DNAJC3: variants seen among roughly 807,000 people sequenced by gnomAD.
DNAJC3 encodes the protein dnaJ homolog subfamily C member 3.
In DNAJC3, 38 loss-of-function variants were observed where a neutral mutation model predicts 68.6. That is an observed-to-expected ratio of 0.55 (90% CI 0.43 to 0.73). The LOEUF is 0.73. DNAJC3 is among the 30% of genes least tolerant of loss of function. The pLI is 0.00. For synonymous variants in DNAJC3, 203 were observed against 204.0 expected (o/e 1.00, Z 0.04); for missense variants, 526 against 591.9 (o/e 0.89, Z 1.16).
intron 2 of DNAJC3, among the ~76,000 whole-genome samples, chr13:95,716,531 T>A (rs191043344): frequency 1.3e-5 from 2 of 152,310 alleles, no homozygotes; most frequent in Admixed American, 1.3e-4. Context: ...ACTGGAAGAA[T>A]CAGATCATAT....
intron 3 of DNAJC3, 93 bp downstream of exon 3, chr13:95,723,459 T>C: frequency 7.2e-7 from 1 of 1,387,412 alleles, no homozygotes; most frequent in Non-Finnish European, 9.7e-7. Flanking sequence ...ATGCTAGACA[T>C]AGCTGGAAGA....
At chr13:95,776,414 G>A (rs1883293485) in intron 9 of DNAJC3, among the ~76,000 whole-genome samples, 1 of 152,172 alleles carries the variant, frequency 6.6e-6, no homozygotes, top group Non-Finnish European at 1.5e-5. Flanking sequence ...TGGAAAGACT[G>A]CTGCTTTACT....
At chr13:95,779,370 CACT>C (rs1566514166) in intron 9 of DNAJC3, among the ~76,000 whole-genome samples, 2 of 152,152 alleles carry the variant, frequency 1.3e-5, no homozygotes, top group East Asian at 1.9e-4. Flanking sequence ...GTGATCTGCC[CACT>C]GCGGCCTCCC....
chr13:95,722,838 C>A (rs1017953586), intron 2 of DNAJC3, among the ~76,000 whole-genome samples: 1 of 32,874 alleles, frequency 3.0e-5, no homozygotes, highest in Non-Finnish European at 7.5e-5. Context: ...CCCCCCCCCC[C>A]CGCCGAAAAA....
intron 9 of DNAJC3, among the ~76,000 whole-genome samples, chr13:95,778,617 A>G (rs1282769387): frequency 6.6e-6 from 1 of 152,238 alleles, no homozygotes; most frequent in Non-Finnish European, 1.5e-5. Flanking sequence ...ATCTACTTAC[A>G]TGGAATATCT....
At chr13:95,690,661 G>A (rs1452529341) in intron 1 of DNAJC3, among the ~76,000 whole-genome samples, 2 of 144,822 alleles carry the variant, frequency 1.4e-5, no homozygotes, top group African/African-American at 2.6e-5. Context: ...GCCGGGCGGG[G>A]GGCTGACCCC....
chr13:95,756,829 A>G (rs1490246594), intron 4 of DNAJC3, among the ~76,000 whole-genome samples: 2 of 152,094 alleles, frequency 1.3e-5, no homozygotes, highest in Admixed American at 1.3e-4. Context: ...TTTTGTCTGG[A>G]GGAAGAAATT....
chr13:95,698,067 C>T (rs1041648998), intron 1 of DNAJC3, among the ~76,000 whole-genome samples: 2 of 151,100 alleles, frequency 1.3e-5, no homozygotes, highest in Non-Finnish European at 1.5e-5. Flanking sequence ...GAAACTGACA[C>T]TTGTTGTTGT....
At position 95,793,680 on chromosome 13, in the gene DNAJC3, T is replaced by G. The variant is rs1056438605; in HGVS notation, c.*2650T>G. 2.0e-5 allele frequency: 3 copies of G among 152,434 alleles called. No individual in the cohort carries two copies. Among genetic ancestry groups the G allele is most frequent in the African/African-American group, 4.8e-5 (2 of 41,402 alleles). The allele number at this position is 152,434 out of a possible 1,614,324, so 9.4% of individuals were successfully genotyped here. A position where few individuals can be genotyped will look rare whatever the true frequency, so the allele number is the denominator to read the frequency against. The stretch of plus-strand genomic sequence containing the variant: ...GGTTTCACTGTGTTAGCCAGGATGG[T>G]CTTGATCTCCTGACCTTGTGATCTG... On this transcript the variant is annotated 3_prime_UTR_variant, in exon 12 of 12. Transcript: ENST00000602402.
At chr13:95,770,392 A>G (rs1380232105) in intron 9 of DNAJC3, among the ~76,000 whole-genome samples, 4 of 152,226 alleles carry the variant, frequency 2.6e-5, no homozygotes, top group Non-Finnish European at 5.9e-5. Flanking sequence ...AAGTGTTGAT[A>G]AAGTACAGCA....
rs1304087972 is a variant in DNAJC3, at chr13:95,793,346, A to G, written c.*2316A>G. 7.1e-6 allele frequency: 1 copy of G among 140,696 alleles called. No homozygotes were observed. Among genetic ancestry groups the G allele is most frequent in the Non-Finnish European group, 1.6e-5 (1 of 62,114 alleles). The allele number at this position is 140,696 out of a possible 1,614,324, so 8.7% of individuals were successfully genotyped here. ...AGAGACAGTCACTCCTGCTTACCCT[A>G]ATGTGTGACTGAGAAGCAGCCTGGG... On this transcript the variant is annotated 3_prime_UTR_variant, in exon 12 of 12. Transcript: ENST00000602402.
intron 10 of DNAJC3, 25 bp from the exon 11 acceptor site, chr13:95,786,982 G>T: frequency 1.3e-6 from 2 of 1,591,054 alleles, no homozygotes; most frequent in South Asian, 2.3e-5. Context: ...TTCCACTAAT[G>T]ATTATTTATT....
At chr13:95,747,499 T>C (rs1247074941) in intron 4 of DNAJC3, among the ~76,000 whole-genome samples, 2 of 152,180 alleles carry the variant, frequency 1.3e-5, no homozygotes, top group Admixed American at 6.5e-5. Context: ...ATTTAGGAAA[T>C]GTCCAGTAAG....
rs1555328430 is a variant in DNAJC3, at chr13:95,767,691, G to GTTTTGTTTTTT, written c.1075+3742_1075+3743insGTTTTTTTTTT. Among the ~76,000 whole-genome samples the GTTTTGTTTTTT allele has an allele frequency of 8.6e-3, 1,163 of 135,716 alleles. 28 individuals are homozygous for GTTTTGTTTTTT. The highest frequency in any genetic ancestry group is 0.03 in the African/African-American group (1,108 of 36,488). The allele number at this position is 135,716 out of a possible 152,430, so 89.0% of individuals were successfully genotyped here. ...CACATCCTCGTCAACAGTTTTTTGG[G>GTTTTGTTTTTT]TTTTTTTTTTTTTTTTGAGACAGAG... On this transcript the variant is annotated intron_variant, in intron 9 of 11. Coordinates refer to ENST00000602402, the MANE Select transcript of DNAJC3 (RefSeq NM_006260.5).
At chr13:95,731,028 T>A (rs1197105100) in intron 4 of DNAJC3, among the ~76,000 whole-genome samples, 1 of 152,200 alleles carries the variant, frequency 6.6e-6, no homozygotes, top group East Asian at 1.9e-4. Flanking sequence ...AATTCCTTGG[T>A]TAAATTTTTT....
chr13:95,754,133 C>G (rs559437163), intron 4 of DNAJC3, among the ~76,000 whole-genome samples: 1 of 152,306 alleles, frequency 6.6e-6, no homozygotes, highest in South Asian at 2.1e-4. Context: ...GGGTCTGCTG[C>G]TTACTGCAGG....
intron 4 of DNAJC3, among the ~76,000 whole-genome samples, chr13:95,746,485 G>A (rs948851579): frequency 2.0e-5 from 3 of 152,136 alleles, no homozygotes; most frequent in Non-Finnish European, 4.4e-5. Context: ...TTGAATAGAT[G>A]ACATATTCCT....
At chr13:95,756,762 C>T (rs908565259) in intron 4 of DNAJC3, among the ~76,000 whole-genome samples, 2 of 152,054 alleles carry the variant, frequency 1.3e-5, no homozygotes, top group African/African-American at 4.8e-5. Context: ...ACAATCTTAA[C>T]CTCCCCTCCC....
chr13:95,742,782 TGAA>T (rs1289965680), intron 4 of DNAJC3: 1 of 518,938 alleles, frequency 1.9e-6, no homozygotes, highest in Non-Finnish European at 3.8e-6. Flanking sequence ...TTAAATTTGA[TGAA>T]GTTCAATTTG....
Sources: gnomAD v4.1 joint callset for allele counts (sites outside exome capture counted in the v4.1 genomes callset) on GRCh38, gnomAD v4.1.1 for gene constraint, MANE v1.5 for transcripts, NCBI Gene and HGNC (gene_info 2026-07-23, HGNC 2026-07-21) for gene names.